Variants in SCAF4 observed in about 807,000 individuals in gnomAD.
The protein encoded by SCAF4 is SR-related and CTD-associated factor 4.
Under a neutral mutation model 129.8 loss-of-function variants are expected in SCAF4, and 25 were observed. The ratio of observed to expected loss-of-function variants is 0.19; its 90% CI spans 0.14 to 0.27. The LOEUF (loss-of-function observed/expected upper bound fraction) is 0.27. Among genes scored for constraint, SCAF4 ranks in the 10% least tolerant of loss-of-function variants. The probability of loss-of-function intolerance (pLI) is 1.00; values close to 1 mark genes in which losing one functional copy is unlikely to be tolerated. For missense variants in SCAF4, 1,246 were observed against 1,457.1 expected (o/e 0.86, Z 2.36); for synonymous variants, 551 against 497.7 (o/e 1.11, Z -1.43).
chr21:31,701,190 C>G lies in SCAF4; in HGVS notation c.601-19G>C. 1 of 1,525,660 alleles carries G rather than the reference C, an allele frequency of 6.6e-7. No homozygotes were observed. Among genetic ancestry groups the G allele is most frequent in the African/African-American group, 1.4e-5 (1 of 71,682 alleles). 94.5% of individuals were successfully genotyped at this position (1,525,660 alleles called of 1,614,324 possible). ...GCTGAAGCTTAAAGAATGGGAAAAC[C>G]AATAAATCACAGAACAAAGTATAAT... On this transcript the variant is annotated intron_variant, in intron 6 of 19. Coordinates refer to ENST00000286835, the MANE Select transcript of SCAF4 (RefSeq NM_020706.2).
At chr21:31,692,215 G>C in intron 13 of SCAF4, 134 bp downstream of exon 13, 1 of 635,734 alleles carries the variant, frequency 1.6e-6, no homozygotes, top group East Asian at 2.7e-5. Flanking sequence ...TCTAAACGTG[G>C]ACTCTGAACA....
chr21:31,699,194 G>A (rs2050459180), intron 7 of SCAF4, among the ~76,000 whole-genome samples: 2 of 152,120 alleles, frequency 1.3e-5, no homozygotes, highest in South Asian at 4.1e-4. Flanking sequence ...GTATAAAAAA[G>A]TAGTGAGGGA....
rs780471738 is a variant in SCAF4 at position 31,671,376 on chromosome 21, C to T, written c.*23G>A. 1.2e-6 allele frequency: 2 copies of T among 1,605,288 alleles called. No homozygotes were observed. The highest frequency in any genetic ancestry group is 8.5e-7 in the Non-Finnish European group (1 of 1,175,548). On this transcript the variant is annotated 3_prime_UTR_variant, in exon 20 of 20. Coordinates refer to ENST00000286835, the MANE Select transcript of SCAF4 (RefSeq NM_020706.2). Reference sequence around the variant, plus strand: ...TCTACACTCCAGGAAGTGTCACTGTCACATTTTCACAAATTCCAGTCTCTA... The same window carrying T: ...TCTACACTCCAGGAAGTGTCACTGTTACATTTTCACAAATTCCAGTCTCTA...
At chr21:31,692,297 T>G in intron 13 of SCAF4, 52 bp downstream of exon 13, 3 of 1,384,838 alleles carry the variant, frequency 2.2e-6, no homozygotes, top group Non-Finnish European at 3.1e-6. Context: ...TTTCATAAAA[T>G]GACATTAATC....
chr21:31,680,039 C>T (rs1365383595), intron 19 of SCAF4, among the ~76,000 whole-genome samples: 1 of 152,072 alleles, frequency 6.6e-6, no homozygotes, highest in Non-Finnish European at 1.5e-5. Flanking sequence ...AAAATCTTAC[C>T]TGAAATTCTT....
chr21:31,674,205 C>A (rs920928935), intron 19 of SCAF4, among the ~76,000 whole-genome samples: 1 of 152,144 alleles, frequency 6.6e-6, no homozygotes, highest in Non-Finnish European at 1.5e-5. Context: ...ATACAAACCC[C>A]AGACTGAAGG....
chr21:31,719,912 C>T (rs1334663214), intron 1 of SCAF4, among the ~76,000 whole-genome samples: 3 of 152,210 alleles, frequency 2.0e-5, no homozygotes, highest in Admixed American at 2.0e-4. Flanking sequence ...GGGTTTTTAA[C>T]CCTATTGGTT....
intron 1 of SCAF4, among the ~76,000 whole-genome samples, chr21:31,713,866 T>C (rs780221054): frequency 1.3e-4 from 20 of 152,088 alleles, no homozygotes; most frequent in Non-Finnish European, 2.2e-4. Flanking sequence ...GATTCAAAGA[T>C]AATTCAGTTA....
At chr21:31,706,857 C>A (rs923586648) in intron 1 of SCAF4, 1 of 250,456 alleles carries the variant, frequency 4.0e-6, no homozygotes. Context: ...GAGAAAGAAG[C>A]CAAGTCTACT....
chr21:31,689,947 A>T (rs534570822), intron 15 of SCAF4, among the ~76,000 whole-genome samples: 1 of 151,714 alleles, frequency 6.6e-6, no homozygotes, highest in Admixed American at 6.6e-5. Flanking sequence ...AACGAAACAA[A>T]AACAACAAAA....
chr21:31,712,837 C>T, intron 1 of SCAF4: 1 of 948,776 alleles, frequency 1.1e-6, no homozygotes, highest in Non-Finnish European at 1.3e-6. Context: ...GCCTGATTCT[C>T]CCATTTTTAA....
intron 1 of SCAF4, among the ~76,000 whole-genome samples, chr21:31,711,883 C>T (rs144879686): frequency 3.3e-5 from 5 of 151,808 alleles, no homozygotes; most frequent in African/African-American, 4.8e-5. Context: ...AAGTTAGAGG[C>T]GATATAAATT....
chr21:31,701,046 A>C lies in SCAF4; in HGVS notation c.726T>G (p.Ser242=), dbSNP rs1046992669. 6 of 1,614,098 alleles carry C rather than the reference A, an allele frequency of 3.7e-6. No individual in the cohort carries two copies. The highest frequency in any genetic ancestry group is 4.2e-6 in the Non-Finnish European group (5 of 1,180,008). The change falls in exon 7 of 20, where the codon TCT becomes TCG. Residue 242 remains serine (S), a synonymous_variant. Transcript: ENST00000286835. ...AQLKTTPTQP[S]EQKAAFPPPE... ...GTGGGGGGAAAGCAGCTTTTTGTTC[A>C]GATGGTTGTGTAGGAGTTGTCTTTA...
Position 31,685,529 on chromosome 21 carries a change from C to T in SCAF4, c.2209+39G>A, listed in dbSNP as rs199587645. ...GTCAACTTATGCTGTATCACTCCAT[C>T]GCAGGCTCTAAAGTATGTTCACAGA... On this transcript the variant is annotated intron_variant, in intron 17 of 19. Transcript: ENST00000286835. The T allele has an allele frequency of 8.9e-5, 144 of 1,613,710 alleles. No homozygotes were observed. The Middle Eastern group carries it at 1.2e-3, about 13-fold the overall frequency.
At chr21:31,682,356 C>A (rs142205592) in intron 19 of SCAF4, among the ~76,000 whole-genome samples, 1 of 149,730 alleles carries the variant, frequency 6.7e-6, no homozygotes, top group Admixed American at 6.7e-5. Flanking sequence ...TCCAACCTGG[C>A]GACAGAGTGA....
chr21:31,671,194 AGG>A lies in SCAF4; in HGVS notation c.*203_*204del. 2 of 438,676 alleles carry A rather than the reference AGG, an allele frequency of 4.6e-6. No individual in the cohort carries two copies. Among genetic ancestry groups the A allele is most frequent in the Non-Finnish European group, 3.9e-6 (1 of 256,094 alleles). 27.2% of individuals were successfully genotyped at this position (438,676 alleles called of 1,614,324 possible). A position where few individuals can be genotyped will look rare whatever the true frequency, so the allele number is the denominator to read the frequency against. Reference sequence around the variant, plus strand: ...AAACTTTTAAAAAGTTACAGCAAAAAGGGTAATATTTATTCATATTTTCAGTA... The same window carrying A: ...AAACTTTTAAAAAGTTACAGCAAAAAGTAATATTTATTCATATTTTCAGTA... On this transcript the variant is annotated 3_prime_UTR_variant, in exon 20 of 20. Coordinates refer to ENST00000286835, the MANE Select transcript of SCAF4 (RefSeq NM_020706.2).
Position 31,690,815 on chromosome 21 carries a change from T to C in SCAF4, c.1867A>G (p.Ser623Gly). 6.2e-7 allele frequency: 1 copy of C among 1,613,334 alleles called. No individual in the cohort carries two copies. The change falls in exon 15 of 20, where the codon AGT becomes GGT. Residue 623 changes from serine (S) to glycine (G), a missense_variant. Around this residue, in one of 6 missense-constraint regions of SCAF4, gnomAD observed 468 missense variants for 605.5 expected, o/e 0.77. Transcript: ENST00000286835. The stretch of plus-strand genomic sequence containing the variant: ...GCTTTACCTGGGTTAAGTGTGTCAC[T>C]GTCCAACATTCCTCCTTCACAAAAA... Reference protein sequence around the residue: ...ESFCEGGMLDSDTLNPDWKGI... With the variant: ...ESFCEGGMLDGDTLNPDWKGI...
rs1343302004 is a variant in SCAF4, at chr21:31,671,972, C to T, written c.2871G>A (p.Gln957=). The change falls in exon 20 of 20, where the codon CAG becomes CAA. Residue 957 remains glutamine, a synonymous_variant. Coordinates refer to ENST00000286835, the MANE Select transcript of SCAF4 (RefSeq NM_020706.2). ...GCTGCTGCTGCTGCTGCTGTGGTTG[C>T]TGGGGCGCCTGCGGCTGTGGCTGCT... ...PQQQPQPQAP[Q]QPQQQQQQQP... 6.2e-7 allele frequency: 1 copy of T among 1,610,658 alleles called. No homozygotes were observed. The highest frequency in any genetic ancestry group is 1.3e-5 in the African/African-American group (1 of 74,752).
intron 7 of SCAF4, among the ~76,000 whole-genome samples, chr21:31,697,247 A>G (rs1298204614): frequency 6.6e-6 from 1 of 152,218 alleles, no homozygotes; most frequent in South Asian, 2.1e-4. Flanking sequence ...GACACAAAAA[A>G]GTCACTAGCA....
Sources: allele counts gnomAD v4.1 joint callset (sites outside exome capture counted in the v4.1 genomes callset), GRCh38; gene constraint gnomAD v4.1.1; regional missense constraint gnomAD v4.1.1; transcripts MANE v1.5; gene names NCBI Gene and HGNC (gene_info 2026-07-23, HGNC 2026-07-21).